SLC25A42: variants seen among roughly 807,000 people sequenced by gnomAD.
The protein encoded by SLC25A42 is mitochondrial coenzyme A transporter SLC25A42.
A neutral mutation model predicts 34.7 loss-of-function variants in SLC25A42; 19 were observed. That is an observed-to-expected ratio of 0.55 (90% CI 0.38 to 0.80). SLC25A42 has a LOEUF of 0.80. SLC25A42 is among the 30% of genes least tolerant of loss of function. SLC25A42 has a pLI of 0.00. For synonymous variants in SLC25A42, 205 were observed against 191.2 expected, an observed-to-expected ratio of 1.07 and a Z score of -0.59; for missense variants, 364 against 441.3, an observed-to-expected ratio of 0.82 and a Z score of 1.57.
Position 19,104,909 on chromosome 19 carries a change from C to T in SLC25A42, c.188-4C>T. 1 of 1,614,094 alleles carries T rather than the reference C, an allele frequency of 6.2e-7. No individual in the cohort carries two copies. The highest frequency in any genetic ancestry group is 1.1e-5 in the South Asian group (1 of 91,078). ...AGTGGCTTTTGTGCTTTTGTTTTTT[C>T]CAGTGTCTTCAAAAAGATTTTCTGC... On this transcript the variant is annotated splice_region_variant and splice_polypyrimidine_tract_variant and intron_variant, in intron 3 of 7. Coordinates refer to ENST00000318596, the MANE Select transcript of SLC25A42 (RefSeq NM_178526.5).
At chr19:19,097,692 G>A (rs1265346358) in intron 2 of SLC25A42, among the ~76,000 whole-genome samples, 2 of 152,318 alleles carry the variant, frequency 1.3e-5, no homozygotes, top group African/African-American at 4.8e-5. Flanking sequence ...GGCTGGGATG[G>A]TGGCTCACAC....
rs1428594464 is a variant in SLC25A42, at chr19:19,105,694, G to T, written c.347G>T (p.Arg116Leu). ...TTCAGCGCACACGAGGAGTACAAGC[G>T]CATCCTGGGCAGCTACTATGGCTTC... ...IQFSAHEEYK[R>L]ILGSYYGFRG... The change falls in exon 5 of 8, where the codon CGC (arginine) becomes CTC (leucine). Residue 116 changes from arginine to leucine, a missense_variant. By Grantham distance (102) the Arg-to-Leu change is moderately radical. Transcript: ENST00000318596. The T allele has an allele frequency of 6.2e-7, 1 of 1,604,216 alleles. No individual in the cohort carries two copies. Among genetic ancestry groups the T allele is most frequent in the South Asian group, 1.1e-5 (1 of 90,196 alleles).
intron 1 of SLC25A42, among the ~76,000 whole-genome samples, chr19:19,088,291 C>T (rs573024463): frequency 1.3e-4 from 20 of 151,508 alleles, no homozygotes; most frequent in Middle Eastern, 3.2e-3. Flanking sequence ...CTGCAAGCTC[C>T]GCCTTCCGGG....
In SLC25A42 at chr19:19,081,311, C is replaced by A. The variant is rs1337207402; in HGVS notation, c.-34-14780C>A. ...GGAACCACAGGGACCACCACTATGA[C>A]CAGCCTGGCAGGGGGTGATGATGAG... On this transcript the variant is annotated intron_variant, in intron 1 of 7. Coordinates refer to ENST00000318596, the MANE Select transcript of SLC25A42 (RefSeq NM_178526.5). This position sits in a 1 kb window ranked among gnomAD's most constrained non-coding sequence, Gnocchi z 4.5. 1.3e-5 allele frequency among the ~76,000 whole-genome samples: 2 copies of A among 152,090 alleles called. No individual in the cohort carries two copies. The highest frequency in any genetic ancestry group is 2.9e-5 in the Non-Finnish European group (2 of 68,004).
intron 1 of SLC25A42, among the ~76,000 whole-genome samples, chr19:19,080,521 C>T (rs183514128): frequency 9.0e-4 from 137 of 152,278 alleles, no homozygotes; most frequent in Middle Eastern, 3.4e-3. Flanking sequence ...GTGGCTCACA[C>T]CTGTAATCCC....
Position 19,089,426 on chromosome 19 carries a change from G to T in SLC25A42, c.-34-6665G>T, listed in dbSNP as rs142558739. On this transcript the variant is annotated intron_variant, in intron 1 of 7. Transcript: ENST00000318596. The stretch of plus-strand genomic sequence containing the variant: ...GCCTGTAATCCCAGCTACTCAGGAG[G>T]CTGAGGCAGGAGAATTGCTTGAACC... 7.2e-3 allele frequency among the ~76,000 whole-genome samples: 1,094 copies of T among 151,974 alleles called. 13 individuals carry two copies. The highest frequency in any genetic ancestry group is 0.026 in the African/African-American group (1,062 of 41,436).
At chr19:19,100,059 C>T (rs1160766258) in intron 2 of SLC25A42, among the ~76,000 whole-genome samples, 5 of 151,438 alleles carry the variant, frequency 3.3e-5, no homozygotes, top group Non-Finnish European at 2.9e-5. Context: ...TAGCCCATTT[C>T]GGCCGGGCGC....
At chr19:19,105,176 A>G in intron 4 of SLC25A42, 1 of 593,384 alleles carries the variant, frequency 1.7e-6, no homozygotes, top group Non-Finnish European at 3.0e-6. Flanking sequence ...TTCATGTTTG[A>G]TTTATTGTTA....
chr19:19,108,019 A>G lies in SLC25A42; in HGVS notation c.623A>G (p.Tyr208Cys). Reference sequence around the variant, plus strand: ...TACGCTGGCCTGAGCTTCTTCACCTATGAGACGCTCAAGAGCTTGCACAGA... The same window carrying G: ...TACGCTGGCCTGAGCTTCTTCACCTGTGAGACGCTCAAGAGCTTGCACAGA... ...IPYAGLSFFT[Y>C]ETLKSLHREY... The change falls in exon 7 of 8, where the codon TAT becomes TGT. Residue 208 changes from tyrosine to cysteine, a missense_variant. By Grantham distance (194) the Tyr-to-Cys change is radical. Transcript: ENST00000318596. The G allele has an allele frequency of 6.2e-7, 1 of 1,602,338 alleles. No individual in the cohort carries two copies. The highest frequency in any genetic ancestry group is 8.5e-7 in the Non-Finnish European group (1 of 1,173,364).
intron 2 of SLC25A42, among the ~76,000 whole-genome samples, chr19:19,097,853 C>T (rs1262018580): frequency 6.6e-6 from 1 of 151,940 alleles, no homozygotes; most frequent in Non-Finnish European, 1.5e-5. Context: ...ATCCCAGCTC[C>T]GCATGAGGTT....
Position 19,110,798 on chromosome 19 carries a change from C to T in SLC25A42, c.879C>T (p.Val293=), listed in dbSNP as rs767612799. 5.6e-6 allele frequency: 9 copies of T among 1,613,766 alleles called. No individual in the cohort carries two copies. The South Asian group carries it at 7.7e-5, about 14-fold the overall frequency. ...GLYKGLSMNW[V]KGPIAVGISF... is the part of the protein sequence containing the mutation. ...ACAAAGGCTTGAGCATGAACTGGGT[C>T]AAGGGTCCCATCGCCGTGGGCATCA... Residue 293 remains valine (V), a synonymous_variant, in exon 8 of 8, where the codon GTC becomes GTT. Coordinates refer to ENST00000318596, the MANE Select transcript of SLC25A42 (RefSeq NM_178526.5).
At chr19:19,107,158 A>C (rs2059835460) in intron 6 of SLC25A42, among the ~76,000 whole-genome samples, 1 of 151,876 alleles carries the variant, frequency 6.6e-6, no homozygotes, top group South Asian at 2.1e-4. Context: ...TCTCTACAAA[A>C]ACTGAAATAT....
At position 19,111,000 on chromosome 19, in the gene SLC25A42, C is replaced by G; in HGVS notation, c.*124C>G. 1 of 1,121,916 alleles carries G rather than the reference C, an allele frequency of 8.9e-7. No homozygotes were observed. The highest frequency in any genetic ancestry group is 1.3e-6 in the Non-Finnish European group (1 of 791,478). The allele number at this position is 1,121,916 out of a possible 1,614,324, so 69.5% of individuals were successfully genotyped here. ...CACATGGGGCGCTTTATGGAACGAG[C>G]AGGTGGGCCTGAGGGGCCTGGGCTC... is the stretch of plus-strand genomic sequence containing the variant. On this transcript the variant is annotated 3_prime_UTR_variant, in exon 8 of 8. Transcript: ENST00000318596.
intron 1 of SLC25A42, among the ~76,000 whole-genome samples, chr19:19,094,290 GTACT>G (rs1448810411): frequency 6.6e-6 from 1 of 152,202 alleles, no homozygotes; most frequent in African/African-American, 2.4e-5. Context: ...TCCCTACCAT[GTACT>G]TACTTACTCT....
chr19:19,084,005 A>G (rs1358440676), intron 1 of SLC25A42, among the ~76,000 whole-genome samples: 1 of 100,612 alleles, frequency 9.9e-6, no homozygotes, highest in Non-Finnish European at 2.0e-5. Flanking sequence ...CCCACACCCC[A>G]CCACCCCAGC....
At position 19,081,233 on chromosome 19, in the gene SLC25A42, C is replaced by G. The variant is rs999781713; in HGVS notation, c.-34-14858C>G. 2.6e-5 allele frequency among the ~76,000 whole-genome samples: 4 copies of G among 152,140 alleles called. No individual in the cohort carries two copies. Among genetic ancestry groups the G allele is most frequent in the African/African-American group, 9.7e-5 (4 of 41,420 alleles). ...ACAGACTTGTCATTGGGGCACATTT[C>G]TGCAGGATGTCCCAAGTGGCCCCAG... On this transcript the variant is annotated intron_variant, in intron 1 of 7. Transcript: ENST00000318596. The surrounding 1 kb of genome is among the most constrained non-coding windows in gnomAD (Gnocchi z 4.5).
chr19:19,111,167 TG>T lies in SLC25A42; in HGVS notation c.*295del. ...GGAGGTGTTGCCCAAAAGGCCCTAG[TG>T]GGGCGTGGTCAGCTCCACCTCCTGA... On this transcript the variant is annotated 3_prime_UTR_variant, in exon 8 of 8. Coordinates refer to ENST00000318596, the MANE Select transcript of SLC25A42 (RefSeq NM_178526.5). 2.1e-6 allele frequency: 1 copy of T among 484,058 alleles called. No homozygotes were observed. The highest frequency in any genetic ancestry group is 2.0e-5 in the African/African-American group (1 of 49,968). The allele number at this position is 484,058 out of a possible 1,614,324, so 30.0% of individuals were successfully genotyped here.
chr19:19,095,736 C>A (rs2059760975), intron 1 of SLC25A42, among the ~76,000 whole-genome samples: 1 of 152,198 alleles, frequency 6.6e-6, no homozygotes, highest in Non-Finnish European at 1.5e-5. Flanking sequence ...TCGGTGCCCA[C>A]TGGATGTTTG....
intron 1 of SLC25A42, among the ~76,000 whole-genome samples, chr19:19,072,287 T>TA (rs536807038): frequency 1.1e-3 from 160 of 152,374 alleles, no homozygotes; most frequent in African/African-American, 3.6e-3. Flanking sequence ...GAACGATACT[T>TA]ACCAATACTT....
Sources: gnomAD v4.1 joint callset for allele counts (sites outside exome capture counted in the v4.1 genomes callset) on GRCh38, gnomAD v4.1.1 for gene constraint, Gnocchi (gnomAD v3.1) non-coding constraint, MANE v1.5 for transcripts, NCBI Gene and HGNC (gene_info 2026-07-23, HGNC 2026-07-21) for gene names.